The following ZIM2 variants were observed in gnomAD, a reference collection of about 807,000 sequenced individuals.
ZIM2 encodes the protein zinc finger imprinted 2.
In ZIM2, 14 loss-of-function variants were observed where a neutral mutation model predicts 38.6. That is an observed-to-expected ratio of 0.36 (90% confidence interval 0.24 to 0.57). The LOEUF (loss-of-function observed/expected upper bound fraction) is 0.57, where lower values mean the gene tolerates loss of function less well. Ranked by LOEUF, ZIM2 falls within the 20% of genes least tolerant of loss-of-function variation. ZIM2 has a pLI of 0.81. For missense variants in ZIM2, 680 were observed against 695.1 expected (o/e 0.98, Z 0.24); for synonymous variants, 247 against 245.8 (o/e 1.00, Z -0.04).
intron 2 of ZIM2, chr19:56,833,212 C>T (rs1328050856): frequency 2.0e-6 from 1 of 512,274 alleles, no homozygotes; most frequent in Non-Finnish European, 3.9e-6. Flanking sequence ...GAGTCTCCTT[C>T]AGTCCCATTT....
At position 56,814,766 on chromosome 19, in the gene ZIM2, G is replaced by A. The variant is rs867143279; in HGVS notation, c.490+2980C>T. On this transcript the variant is annotated intron_variant, in intron 9 of 12. Transcript: ENST00000629319. This position sits in a 1 kb window ranked among gnomAD's most constrained non-coding sequence, Gnocchi z 5.8. ...AAGCCTTGTCCACACAAAAGGCATCGAATGGCCGACCCAGCAAGAGCAGGA... is the reference window on the plus strand; with the variant it reads ...AAGCCTTGTCCACACAAAAGGCATCAAATGGCCGACCCAGCAAGAGCAGGA... 1.2e-6 allele frequency: 2 copies of A among 1,614,096 alleles called. No homozygotes were observed. The highest frequency in any genetic ancestry group is 1.1e-5 in the South Asian group (1 of 91,082).
At chr19:56,794,952 G>A (rs1426380291) in intron 9 of ZIM2, among the ~76,000 whole-genome samples, 1 of 152,120 alleles carries the variant, frequency 6.6e-6, no homozygotes, top group East Asian at 1.9e-4. Context: ...CATTTCTTTT[G>A]ATTAATAATA....
chr19:56,780,131 G>A (rs1004532380), intron 11 of ZIM2, among the ~76,000 whole-genome samples: 6 of 152,110 alleles, frequency 3.9e-5, no homozygotes, highest in African/African-American at 1.4e-4. Context: ...GTTAATGAAT[G>A]ACCCTTGCAT....
At chr19:56,804,848 A>C (rs1385988566) in intron 9 of ZIM2, among the ~76,000 whole-genome samples, 1 of 152,240 alleles carries the variant, frequency 6.6e-6, no homozygotes, top group African/African-American at 2.4e-5. Flanking sequence ...CACCAGCCCC[A>C]TTTTACAGAT....
chr19:56,823,956 G>A (rs1050718448), intron 4 of ZIM2, among the ~76,000 whole-genome samples: 17 of 152,196 alleles, frequency 1.1e-4, no homozygotes, highest in South Asian at 2.1e-4. Context: ...AAAAAGGCAG[G>A]AGCCATAGGA....
Position 56,824,259 on chromosome 19 carries a change from C to T in ZIM2, c.16+3G>A, listed in dbSNP as rs2060802923. The T allele has an allele frequency of 1.9e-6, 3 of 1,612,724 alleles. No homozygotes were observed. In the East Asian group the frequency reaches 6.7e-5, roughly 36 times the overall value. On this transcript the variant is annotated splice_donor_region_variant and intron_variant, in intron 4 of 12. Transcript: ENST00000629319. ...ACCACCAACACCCCGTGGAGACTCT[C>T]ACCTTCTGGTTGGTACATCTCCTTG...
chr19:56,823,030 G>A (rs2060651265), intron 5 of ZIM2, among the ~76,000 whole-genome samples, 194 bp from the exon 6 acceptor site: 1 of 152,188 alleles, frequency 6.6e-6, no homozygotes, highest in Admixed American at 6.5e-5. Context: ...GGTTTCTGCA[G>A]GCTTTGCCCA....
intron 11 of ZIM2, among the ~76,000 whole-genome samples, chr19:56,780,305 C>T (rs989088532): frequency 4.0e-5 from 6 of 149,126 alleles, no homozygotes; most frequent in South Asian, 4.2e-4. Flanking sequence ...TGCAGTGGCA[C>T]GATCTTGGCT....
At chr19:56,827,758 G>A (rs2061190839) in intron 2 of ZIM2, among the ~76,000 whole-genome samples, 1 of 152,060 alleles carries the variant, frequency 6.6e-6, no homozygotes, top group Non-Finnish European at 1.5e-5. Context: ...TTAAAATAAG[G>A]CAACTCTAAA....
chr19:56,816,930 A>C (rs1239042998), intron 9 of ZIM2: 1 of 1,614,118 alleles, frequency 6.2e-7, no homozygotes, highest in Non-Finnish European at 8.5e-7. Flanking sequence ...TACATTCAAA[A>C]CGTTTCCCTC....
intron 8 of ZIM2, among the ~76,000 whole-genome samples, 194 bp downstream of exon 8, chr19:56,818,406 C>T (rs2060181504): frequency 6.6e-6 from 1 of 152,146 alleles, no homozygotes. Flanking sequence ...GTATCTTTAC[C>T]CAAAGCCAGA....
chr19:56,800,602 TAA>T (rs1400743761), intron 9 of ZIM2, among the ~76,000 whole-genome samples: 1 of 152,030 alleles, frequency 6.6e-6, no homozygotes, highest in Non-Finnish European at 1.5e-5. Flanking sequence ...AACCAGTAAG[TAA>T]GAGAGAGAAA....
rs1257981484 is a variant in ZIM2, at chr19:56,819,654, C to A, written c.295-952G>T. Among the ~76,000 whole-genome samples the A allele has an allele frequency of 2.6e-5, 4 of 152,152 alleles. No homozygotes were observed. In the East Asian group the frequency reaches 7.7e-4, roughly 29 times the overall value. On this transcript the variant is annotated intron_variant, in intron 7 of 12. Coordinates refer to ENST00000629319, the MANE Select transcript of ZIM2 (RefSeq NM_001387356.1). ...CCTTGGGAACGGAAATCTTTTTGAA[C>A]CTTTCTTTCAGGTTCTTCACCTGTA...
chr19:56,826,981 T>C (rs866229073), intron 2 of ZIM2, among the ~76,000 whole-genome samples: 2 of 152,130 alleles, frequency 1.3e-5, no homozygotes, highest in Admixed American at 1.3e-4. Context: ...TAGAGTTCAA[T>C]AGGAAACCAA....
chr19:56,830,404 A>G (rs1443970746), intron 2 of ZIM2, among the ~76,000 whole-genome samples: 2 of 152,258 alleles, frequency 1.3e-5, no homozygotes, highest in Non-Finnish European at 2.9e-5. Context: ...AAACTTCAAC[A>G]GCCTTTCCTC....
intron 9 of ZIM2, among the ~76,000 whole-genome samples, chr19:56,809,750 C>G (rs1457572642): frequency 6.6e-6 from 1 of 152,114 alleles, no homozygotes; most frequent in Non-Finnish European, 1.5e-5. Context: ...TTATTATTGT[C>G]TGTGATTTTT....
In ZIM2 at chr19:56,774,626, C is replaced by G; in HGVS notation, c.*62G>C. 1 of 1,558,514 alleles carries G rather than the reference C, an allele frequency of 6.4e-7. No homozygotes were observed. The highest frequency in any genetic ancestry group is 8.7e-7 in the Non-Finnish European group (1 of 1,150,046). ...GGCTAGTGAAAGGCCTTCTCACACT[C>G]ACAACACTCTAGGAGGAAGCCAATA... On this transcript the variant is annotated 3_prime_UTR_variant, in exon 13 of 13. Transcript: ENST00000629319.
chr19:56,829,867 A>T (rs1283513926), intron 2 of ZIM2, among the ~76,000 whole-genome samples: 1 of 152,236 alleles, frequency 6.6e-6, no homozygotes. Flanking sequence ...TGCTCTGCCC[A>T]CTTGGCCCCC....
At chr19:56,817,301 G>A (rs746531138) in intron 9 of ZIM2, 4 of 1,614,104 alleles carry the variant, frequency 2.5e-6, no homozygotes, top group Middle Eastern at 1.6e-4. Flanking sequence ...CTGGAAACAA[G>A]GGTTGAATTA....
Sources: gnomAD v4.1 joint callset for allele counts (sites outside exome capture counted in the v4.1 genomes callset) on GRCh38, gnomAD v4.1.1 for gene constraint, Gnocchi (gnomAD v3.1) non-coding constraint, MANE v1.5 for transcripts, NCBI Gene and HGNC (gene_info 2026-07-23, HGNC 2026-07-21) for gene names.